Variants in DNAH17 observed in about 807,000 individuals in gnomAD.
The protein encoded by DNAH17 is axonemal beta dynein heavy chain 17.
A neutral mutation model predicts 485.6 loss-of-function variants in DNAH17; 376 were observed. The observed-to-expected ratio is 0.77, with a 90% CI of 0.71 to 0.84. DNAH17 has a LOEUF of 0.84. DNAH17 is among the 40% of genes least tolerant of loss of function. DNAH17 has a pLI of 0.00. For synonymous variants in DNAH17, 3,031 were observed against 2,405.9 expected (o/e 1.26, Z -7.60); for missense variants, 6,370 against 5,839.3 (o/e 1.09, Z -2.96).
chr17:78,426,394 T>G (rs2086462844), intron 79 of DNAH17, 63 bp downstream of exon 79: 1 of 1,493,064 alleles, frequency 6.7e-7, no homozygotes. Context: ...GTGTGGGGTG[T>G]GCCGAGCTCT....
intron 26 of DNAH17, among the ~76,000 whole-genome samples, chr17:78,511,896 T>G (rs1309954263): frequency 1.3e-5 from 2 of 152,172 alleles, no homozygotes; most frequent in Non-Finnish European, 2.9e-5. Flanking sequence ...ATCCGGGAAA[T>G]TTTTTGTCTC....
intron 54 of DNAH17, among the ~76,000 whole-genome samples, chr17:78,474,328 C>A (rs572136819): frequency 6.6e-6 from 1 of 152,368 alleles, no homozygotes; most frequent in African/African-American, 2.4e-5. Flanking sequence ...GATTTCAGGT[C>A]TAATCTCAAG....
In DNAH17 at chr17:78,560,890, G is replaced by A. The variant is rs372509281; in HGVS notation, c.1881C>T (p.Asp627=). 233 of 1,551,324 alleles carry A rather than the reference G, an allele frequency of 1.5e-4. No individual in the cohort carries two copies. The highest frequency in any genetic ancestry group is 2.4e-4 in the South Asian group (20 of 84,070). Residue 627 remains aspartate, a synonymous_variant, in exon 13 of 81, where the codon GAC becomes GAT. Coordinates refer to ENST00000389840, the MANE Select transcript of DNAH17 (RefSeq NM_173628.4). ...AEAKLTYQKY[D]EMMELLRCHR... ...GGCACCTCAGCAGCTCCATCATCTC[G>A]TCATACTTCTGATAGGTCAGCTTGG...
At chr17:78,551,686 G>A (rs778694037) in intron 15 of DNAH17, 48 bp from the exon 16 acceptor site, 2 of 1,581,662 alleles carry the variant, frequency 1.3e-6, no homozygotes, top group South Asian at 2.2e-5. Context: ...AATTCAGGCT[G>A]GGCGCGGTGG....
intron 68 of DNAH17, 107 bp from the exon 69 acceptor site, chr17:78,449,691 T>G (rs1237657231): frequency 8.4e-7 from 1 of 1,189,270 alleles, no homozygotes; most frequent in Non-Finnish European, 1.2e-6. Context: ...TTGTTTTGTT[T>G]CTTTGAGACA....
rs895487187 is a variant in DNAH17 at position 78,521,420 on chromosome 17, A to C, written c.3864+3589T>G. 3.3e-5 allele frequency among the ~76,000 whole-genome samples: 5 copies of C among 151,948 alleles called. No individual in the cohort carries two copies. In the South Asian group the frequency reaches 1.0e-3, roughly 32 times the overall value. ...ACACTCCATCTCAAAGAAAAAAAGA[A>C]TTTTTTTTAATGGAGGGACCGACTT... On this transcript the variant is annotated intron_variant, in intron 25 of 80. Transcript: ENST00000389840.
intron 65 of DNAH17, among the ~76,000 whole-genome samples, chr17:78,452,567 G>A (rs140203201): frequency 7.2e-5 from 11 of 152,104 alleles, no homozygotes; most frequent in Admixed American, 4.6e-4. Flanking sequence ...GGGAAACCCC[G>A]TCTCTACTAA....
At chr17:78,425,684 C>T (rs145951741) in intron 79 of DNAH17, 113 bp from the exon 80 acceptor site, 27 of 956,750 alleles carry the variant, frequency 2.8e-5, no homozygotes, top group Non-Finnish European at 3.6e-5. Flanking sequence ...GGCCACTCAG[C>T]GAGCTAGAAG....
chr17:78,481,196 G>A (rs1464243485), intron 48 of DNAH17, among the ~76,000 whole-genome samples: 1 of 149,208 alleles, frequency 6.7e-6, no homozygotes, highest in Admixed American at 6.8e-5. Flanking sequence ...TCCGCCTCCT[G>A]GGTTCGCCCC....
chr17:78,506,475 C>G (rs1246348375), intron 30 of DNAH17, among the ~76,000 whole-genome samples: 3 of 152,128 alleles, frequency 2.0e-5, no homozygotes, highest in Non-Finnish European at 2.9e-5. Context: ...GAAAATGAGG[C>G]ACAGAGAGGC....
At chr17:78,565,477 T>C (rs550444055) in intron 11 of DNAH17, among the ~76,000 whole-genome samples, 2 of 152,316 alleles carry the variant, frequency 1.3e-5, no homozygotes, top group African/African-American at 4.8e-5. Context: ...TCTTTGTCCT[T>C]AGCAATCTCA....
Position 78,435,268 on chromosome 17 carries a change from T to C in DNAH17, c.12034-1048A>G, listed in dbSNP as rs1598443776. ...AAGGCCTGGCGGGTGTCACCGTCCA[T>C]CCATCCTCCAGAGTCCATCCGATCC... On this transcript the variant is annotated intron_variant, in intron 74 of 80. Transcript: ENST00000389840. Among the ~76,000 whole-genome samples, 6 of 152,208 alleles carry C rather than the reference T, an allele frequency of 3.9e-5. No homozygotes were observed. In the South Asian group the frequency reaches 1.0e-3, roughly 26 times the overall value.
chr17:78,484,535 C>A (rs1010594019), intron 48 of DNAH17, among the ~76,000 whole-genome samples: 6 of 150,874 alleles, frequency 4.0e-5, no homozygotes, highest in African/African-American at 1.5e-4. Flanking sequence ...CTTCCTCTCC[C>A]GGCGGGACAG....
chr17:78,522,423 T>C, intron 25 of DNAH17: 1 of 295,650 alleles, frequency 3.4e-6, no homozygotes, highest in Non-Finnish European at 6.8e-6. Context: ...TCTGATTTGT[T>C]TCAGGGAACA....
rs149560839 is a variant in DNAH17, at chr17:78,450,760, C to T, written c.10821G>A (p.Ser3607=). ...DSLLARLSAA[S]GNFLGDTALV... ...AGGCCGTGTCTCCCAGAAAGTTCCC[C>T]GACGCAGCCGACAGACGGGCCAGGA... is the stretch of plus-strand genomic sequence containing the variant. Residue 3607 remains serine (S), a synonymous_variant, in exon 67 of 81, where the codon TCG becomes TCA. Transcript: ENST00000389840. 551 of 1,614,022 alleles carry T rather than the reference C, an allele frequency of 3.4e-4. 2 individuals are homozygous for T. The highest frequency in any genetic ancestry group is 1.8e-3 in the South Asian group (161 of 91,084).
chr17:78,544,026 G>GCA, intron 16 of DNAH17, 29 bp from the exon 17 acceptor site: 1 of 1,613,538 alleles, frequency 6.2e-7, no homozygotes, highest in Non-Finnish European at 8.5e-7. Flanking sequence ...AGTGAGAAAA[G>GCA]GTGTTCTGGA....
At chr17:78,490,319 C>T (rs934777774) in intron 44 of DNAH17, among the ~76,000 whole-genome samples, 6 of 152,214 alleles carry the variant, frequency 3.9e-5, no homozygotes, top group Admixed American at 6.5e-5. Context: ...CCTGTGAACG[C>T]GGGTTCTTGT....
At chr17:78,478,821 A>C in intron 51 of DNAH17, 1 of 551,138 alleles carries the variant, frequency 1.8e-6, no homozygotes. Flanking sequence ...TCACATCACC[A>C]TCATCACGAC....
intron 29 of DNAH17, 142 bp from the exon 30 acceptor site, chr17:78,506,988 C>G (rs562689590): frequency 5.7e-4 from 721 of 1,272,256 alleles, no homozygotes; most frequent in Non-Finnish European, 7.3e-4. Flanking sequence ...TCAGAATCTC[C>G]TACCGGAGGC....
Sources: allele counts gnomAD v4.1 joint callset (sites outside exome capture counted in the v4.1 genomes callset), GRCh38; gene constraint gnomAD v4.1.1; transcripts MANE v1.5; gene names NCBI Gene and HGNC (gene_info 2026-07-23, HGNC 2026-07-21).